Variants in TMCC1 observed in about 807,000 individuals in gnomAD.
The protein encoded by TMCC1 is transmembrane and coiled-coil domains protein 1.
A neutral mutation model predicts 52.4 loss-of-function variants in TMCC1; 15 were observed. The ratio of observed to expected loss-of-function variants is 0.29; its 90% CI spans 0.19 to 0.44. TMCC1 has a LOEUF of 0.44. TMCC1 is among the 20% of genes least tolerant of loss of function. The probability of loss-of-function intolerance (pLI) is 1.00; values close to 1 mark genes in which losing one functional copy is unlikely to be tolerated. For missense variants in TMCC1, 503 were observed against 806.0 expected (o/e 0.62, Z 4.55); for synonymous variants, 279 against 301.9 (o/e 0.92, Z 0.79).
intron 4 of TMCC1, among the ~76,000 whole-genome samples, chr3:129,674,517 G>A (rs1378186325): frequency 6.6e-6 from 1 of 152,108 alleles, no homozygotes; most frequent in African/African-American, 2.4e-5. Flanking sequence ...GGGAAGAGAG[G>A]AGAATGATGG....
At chr3:129,761,091 C>T (rs1234665573) in intron 4 of TMCC1, among the ~76,000 whole-genome samples, 11 of 151,216 alleles carry the variant, frequency 7.3e-5, no homozygotes, top group Non-Finnish European at 1.5e-4. Context: ...TTTGGGAGGT[C>T]GAGGCGGGCG....
At chr3:129,785,195 G>A (rs1002333879) in intron 4 of TMCC1, among the ~76,000 whole-genome samples, 21 of 152,186 alleles carry the variant, frequency 1.4e-4, no homozygotes, top group Non-Finnish European at 2.5e-4. Flanking sequence ...GTGCAGCAGA[G>A]CTGTGGTATG....
chr3:129,663,629 C>T (rs1344211006), intron 5 of TMCC1, among the ~76,000 whole-genome samples: 1 of 152,044 alleles, frequency 6.6e-6, no homozygotes, highest in East Asian at 1.9e-4. Context: ...ATCAGTCCCC[C>T]ACAATATTTC....
chr3:129,742,961 A>G (rs539012550), intron 4 of TMCC1, among the ~76,000 whole-genome samples: 124 of 152,330 alleles, frequency 8.1e-4, no homozygotes, highest in African/African-American at 3.0e-3. Context: ...GATTCCCTTT[A>G]TAGAAGATGT....
rs568677301 is a variant in TMCC1 at position 129,847,029 on chromosome 3, T to C, written c.-183-14203A>G. 3.3e-5 allele frequency: 5 copies of C among 152,070 alleles called. No homozygotes were observed. In the East Asian group the frequency reaches 5.8e-4, roughly 18 times the overall value. 9.4% of individuals were successfully genotyped at this position (152,070 alleles called of 1,614,324 possible). A position where few individuals can be genotyped will look rare whatever the true frequency, so the allele number is the denominator to read the frequency against. On this transcript the variant is annotated intron_variant, in intron 2 of 6. Transcript: ENST00000393238. Reference sequence around the variant, plus strand: ...TACATACATACATACATACATAATTTTGAAAAAAGAATGCTGTCTCCTCGG... The same window carrying C: ...TACATACATACATACATACATAATTCTGAAAAAAGAATGCTGTCTCCTCGG...
intron 5 of TMCC1, among the ~76,000 whole-genome samples, chr3:129,668,438 A>C (rs2087646448): frequency 6.6e-6 from 1 of 152,210 alleles, no homozygotes; most frequent in African/African-American, 2.4e-5. Flanking sequence ...GTGGAAACCA[A>C]GACTTAAGAG....
intron 4 of TMCC1, among the ~76,000 whole-genome samples, chr3:129,792,037 C>T (rs2056503399): frequency 1.3e-5 from 2 of 152,074 alleles, no homozygotes; most frequent in African/African-American, 4.8e-5. Flanking sequence ...ATGGTCACAT[C>T]AGTACTTTCT....
intron 4 of TMCC1, among the ~76,000 whole-genome samples, chr3:129,700,785 A>C (rs1027257256): frequency 6.6e-6 from 1 of 152,154 alleles, no homozygotes; most frequent in Non-Finnish European, 1.5e-5. Context: ...AAAAAAAAAA[A>C]AAAATCTCTT....
intron 4 of TMCC1, among the ~76,000 whole-genome samples, chr3:129,739,028 G>A (rs2051230111): frequency 6.6e-6 from 1 of 152,078 alleles, no homozygotes; most frequent in Admixed American, 6.6e-5. Flanking sequence ...TGTTGCCCAG[G>A]CTGGTCTCAA....
At chr3:129,687,976 A>T (rs551023915) in intron 4 of TMCC1, among the ~76,000 whole-genome samples, 1 of 152,242 alleles carries the variant, frequency 6.6e-6, no homozygotes, top group South Asian at 2.1e-4. Flanking sequence ...CTGTTGAGAG[A>T]CACATGAGAA....
At chr3:129,729,351 A>C (rs965206047) in intron 4 of TMCC1, among the ~76,000 whole-genome samples, 1 of 152,242 alleles carries the variant, frequency 6.6e-6, no homozygotes, top group Admixed American at 6.5e-5. Context: ...GTCATTGTAT[A>C]TGACAACTTT....
At chr3:129,696,071 T>C (rs2047398019) in intron 4 of TMCC1, among the ~76,000 whole-genome samples, 1 of 152,200 alleles carries the variant, frequency 6.6e-6, no homozygotes, top group Non-Finnish European at 1.5e-5. Flanking sequence ...GTAAAGAATC[T>C]CTATTAAACA....
intron 3 of TMCC1, among the ~76,000 whole-genome samples, chr3:129,832,189 C>T (rs1056899562): frequency 2.0e-5 from 3 of 152,168 alleles, no homozygotes; most frequent in Admixed American, 6.5e-5. Flanking sequence ...TGGTTTAACA[C>T]AAACGAGTTT....
chr3:129,862,306 G>A (rs1370604453), intron 2 of TMCC1, among the ~76,000 whole-genome samples: 2 of 152,044 alleles, frequency 1.3e-5, no homozygotes, highest in Non-Finnish European at 2.9e-5. Context: ...TGGTTGTACC[G>A]CTCTGTGAAT....
intron 4 of TMCC1, among the ~76,000 whole-genome samples, chr3:129,778,242 A>C (rs879279481): frequency 2.0e-5 from 3 of 152,218 alleles, no homozygotes; most frequent in African/African-American, 4.8e-5. Context: ...GATTCTAAAT[A>C]TTCATAATCC....
chr3:129,652,942 C>T (rs2086433085), intron 6 of TMCC1, among the ~76,000 whole-genome samples: 1 of 152,254 alleles, frequency 6.6e-6, no homozygotes, highest in Non-Finnish European at 1.5e-5. Flanking sequence ...CTCAGGACCT[C>T]TTCAGACTGT....
chr3:129,685,287 G>GA (rs1165329766), intron 4 of TMCC1, among the ~76,000 whole-genome samples: 1 of 151,884 alleles, frequency 6.6e-6, no homozygotes, highest in Non-Finnish European at 1.5e-5. Context: ...GGCTAAGTGA[G>GA]AAAATCACTT....
chr3:129,701,936 T>C (rs986861203), intron 4 of TMCC1, among the ~76,000 whole-genome samples: 6 of 152,110 alleles, frequency 3.9e-5, no homozygotes, highest in Admixed American at 3.9e-4. Flanking sequence ...TTTCATAAAA[T>C]AAAATGATTC....
At chr3:129,706,623 G>C (rs925285119) in intron 4 of TMCC1, among the ~76,000 whole-genome samples, 19 of 152,238 alleles carry the variant, frequency 1.2e-4, no homozygotes, top group African/African-American at 4.1e-4. Flanking sequence ...CTTCCTACTA[G>C]CATTCAAGTG....
Sources: gnomAD v4.1 joint callset for allele counts (sites outside exome capture counted in the v4.1 genomes callset) on GRCh38, gnomAD v4.1.1 for gene constraint, MANE v1.5 for transcripts, NCBI Gene and HGNC (gene_info 2026-07-23, HGNC 2026-07-21) for gene names.